Variants in UNC80 observed in about 807,000 individuals in gnomAD.
The protein encoded by UNC80 is unc-80 subunit of NALCN channel complex.
A neutral mutation model predicts 384.6 loss-of-function variants in UNC80; 164 were observed. That is an observed-to-expected ratio of 0.43 (90% confidence interval 0.38 to 0.49). The LOEUF (loss-of-function observed/expected upper bound fraction) is 0.49. Ranked by LOEUF, UNC80 falls within the 20% of genes least tolerant of loss-of-function variation. UNC80 has a pLI of 0.00. For missense variants in UNC80, 3,330 were observed against 4,143.0 expected, an observed-to-expected ratio of 0.80 and a Z score of 5.39; for synonymous variants, 1,486 against 1,527.8, an observed-to-expected ratio of 0.97 and a Z score of 0.64.
intron 24 of UNC80, 104 bp downstream of exon 24, chr2:209,878,193 A>G (rs374932936): frequency 2.5e-6 from 3 of 1,195,602 alleles, no homozygotes; most frequent in African/African-American, 1.6e-5. Flanking sequence ...CCACCTCCCC[A>G]TGTCTTTCCA....
rs1436689507 is a variant in UNC80, at chr2:209,936,894, T to C, written c.6324T>C (p.Phe2108=). ...NIPESQSTHY[F]LMDKRWNLIH... ...CAGAATCCCAGTCAACACATTATTT[T>C]CTTATGGATAAACGATGGAACCTTA... Residue 2108 remains phenylalanine (F), a synonymous_variant, in exon 41 of 65, where the codon TTT becomes TTC. Transcript: ENST00000673920. 6.4e-7 allele frequency: 1 copy of C among 1,551,260 alleles called. No homozygotes were observed. Among genetic ancestry groups the C allele is most frequent in the South Asian group, 1.2e-5 (1 of 84,050 alleles).
chr2:209,939,397 C>T, intron 42 of UNC80, 75 bp from the exon 43 acceptor site: 1 of 1,389,984 alleles, frequency 7.2e-7, no homozygotes, highest in Non-Finnish European at 9.5e-7. Flanking sequence ...AAAGGTTTTC[C>T]TTTAGTTTTT....
chr2:209,980,343 C>T (rs1006294021), intron 59 of UNC80, among the ~76,000 whole-genome samples: 1 of 152,098 alleles, frequency 6.6e-6, no homozygotes, highest in African/African-American at 2.4e-5. Context: ...TAATAGATGA[C>T]CTAACCTGTA....
chr2:209,977,928 A>G (rs1387637952), intron 58 of UNC80, among the ~76,000 whole-genome samples: 2 of 152,154 alleles, frequency 1.3e-5, no homozygotes, highest in African/African-American at 2.4e-5. Flanking sequence ...GAAAGCTTTT[A>G]TTGTTCTTTG....
At position 209,917,978 on chromosome 2, in the gene UNC80, G is replaced by A. The variant is rs531691886; in HGVS notation, c.5211+20G>A. 6.5e-7 allele frequency: 1 copy of A among 1,550,130 alleles called. No individual in the cohort carries two copies. Among genetic ancestry groups the A allele is most frequent in the Non-Finnish European group, 8.7e-7 (1 of 1,145,816 alleles). On this transcript the variant is annotated intron_variant, in intron 32 of 64. Coordinates refer to ENST00000673920, the MANE Select transcript of UNC80 (RefSeq NM_001371986.1). ...TTTAAGGTGAGGGATACTTCTCACAGAGGAGTTACATTAGCAAACCCAACC... is the reference window on the plus strand; with the variant it reads ...TTTAAGGTGAGGGATACTTCTCACAAAGGAGTTACATTAGCAAACCCAACC...
intron 21 of UNC80, among the ~76,000 whole-genome samples, chr2:209,844,804 T>C (rs2082061535): frequency 6.6e-6 from 1 of 151,696 alleles, no homozygotes; most frequent in Admixed American, 6.6e-5. Flanking sequence ...GATCTTGCTA[T>C]GTTGCCCAGG....
intron 37 of UNC80, among the ~76,000 whole-genome samples, chr2:209,930,417 A>T (rs936371573): frequency 6.6e-6 from 1 of 152,166 alleles, no homozygotes; most frequent in African/African-American, 2.4e-5. Flanking sequence ...CGATGATTAA[A>T]AATTATTTGT....
rs1189535973 is a variant in UNC80 at position 209,776,142 on chromosome 2, G to A, written c.298+97G>A. On this transcript the variant is annotated intron_variant, in intron 3 of 64. Transcript: ENST00000673920. ...TACTGAGTAGTTTCTGTTTTCTCAA[G>A]CACTGTGCATATATTATCTCATTTA... is the stretch of plus-strand genomic sequence containing the variant. 4.1e-6 allele frequency: 6 copies of A among 1,473,256 alleles called. No individual in the cohort carries two copies. In the East Asian group the frequency reaches 1.1e-4, roughly 28 times the overall value. 91.3% of individuals were successfully genotyped at this position (1,473,256 alleles called of 1,614,324 possible).
chr2:209,825,507 G>A (rs2080448602), intron 13 of UNC80, among the ~76,000 whole-genome samples: 2 of 152,126 alleles, frequency 1.3e-5, no homozygotes, highest in African/African-American at 4.8e-5. Flanking sequence ...CAGAAACTTG[G>A]CAGTAATCCT....
intron 13 of UNC80, among the ~76,000 whole-genome samples, chr2:209,823,430 TGTAG>T (rs1370921743): frequency 6.6e-6 from 1 of 152,172 alleles, no homozygotes; most frequent in Non-Finnish European, 1.5e-5. Context: ...CATAAGGCTT[TGTAG>T]CCTTTACAGA....
intron 15 of UNC80, among the ~76,000 whole-genome samples, chr2:209,829,768 C>A (rs1022899311): frequency 9.2e-5 from 14 of 152,072 alleles, no homozygotes; most frequent in Non-Finnish European, 1.2e-4. Flanking sequence ...AACGTACAGG[C>A]ATTATAGTGG....
intron 61 of UNC80, among the ~76,000 whole-genome samples, chr2:209,989,339 A>T (rs1312689598): frequency 6.8e-6 from 1 of 147,740 alleles, no homozygotes; most frequent in Non-Finnish European, 1.5e-5. Flanking sequence ...AAAAAAAAAA[A>T]TTAGAAAACC....
intron 59 of UNC80, among the ~76,000 whole-genome samples, chr2:209,981,352 T>C (rs1025783016): frequency 6.7e-4 from 102 of 152,180 alleles, no homozygotes; most frequent in Non-Finnish European, 2.5e-4. Flanking sequence ...CCGAGGCGGG[T>C]GGATCACCTG....
chr2:209,962,883 A>G (rs1012159688), intron 51 of UNC80, among the ~76,000 whole-genome samples: 2 of 152,240 alleles, frequency 1.3e-5, no homozygotes, highest in African/African-American at 4.8e-5. Context: ...TTGCGAATTG[A>G]GGGTAGTATT....
chr2:209,894,414 AG>A, intron 27 of UNC80, 48 bp downstream of exon 27: 1 of 959,810 alleles, frequency 1.0e-6, no homozygotes, highest in South Asian at 4.8e-5. Flanking sequence ...GTAGGAAGAC[AG>A]GGCCCAAGTC....
intron 49 of UNC80, among the ~76,000 whole-genome samples, chr2:209,958,477 G>A (rs1308297621): frequency 6.6e-6 from 1 of 152,146 alleles, no homozygotes; most frequent in Non-Finnish European, 1.5e-5. Context: ...CATTATTCAT[G>A]TAAAGTTAAT....
At chr2:209,941,048 G>A (rs1006429661) in intron 43 of UNC80, among the ~76,000 whole-genome samples, 173 bp from the exon 44 acceptor site, 2 of 152,192 alleles carry the variant, frequency 1.3e-5, no homozygotes, top group African/African-American at 4.8e-5. Flanking sequence ...TGGAGAAAAG[G>A]AAGTGCTGTA....
intron 36 of UNC80, 146 bp downstream of exon 36, chr2:209,927,132 C>T: frequency 1.0e-6 from 1 of 994,146 alleles, no homozygotes; most frequent in Middle Eastern, 3.2e-4. Flanking sequence ...TTGTAACATA[C>T]TGCGCTAACA....
chr2:209,775,913 A>G lies in UNC80; in HGVS notation c.166A>G (p.Asn56Asp). ...GTCCTTTGAGCGAGTGTTGGTAGAA[A>G]ACAAGCTGCATGGCCTCTCTCCAGC... Reference protein sequence around the residue: ...CVSFERVLVENKLHGLSPALS... With the variant: ...CVSFERVLVEDKLHGLSPALS... Residue 56 changes from asparagine (N) to aspartate (D), a missense_variant, in exon 3 of 65, where the codon AAC (asparagine) becomes GAC (aspartate). This residue lies in a region of UNC80 where 86 missense variants were observed against 141.5 expected (regional missense o/e 0.61). Coordinates refer to ENST00000673920, the MANE Select transcript of UNC80 (RefSeq NM_001371986.1). 6.2e-7 allele frequency: 1 copy of G among 1,614,102 alleles called. No homozygotes were observed.
Sources: allele counts gnomAD v4.1 joint callset (sites outside exome capture counted in the v4.1 genomes callset), GRCh38; gene constraint gnomAD v4.1.1; regional missense constraint gnomAD v4.1.1; transcripts MANE v1.5; gene names NCBI Gene and HGNC (gene_info 2026-07-23, HGNC 2026-07-21).